Variants in SLC12A3 observed in about 807,000 individuals in gnomAD.
The protein encoded by SLC12A3 is solute carrier family 12 member 3, also known as Na-Cl cotransporter.
In SLC12A3, 104 loss-of-function variants were observed where a neutral mutation model predicts 121.0. That is an observed-to-expected ratio of 0.86 (90% CI 0.73 to 1.01). SLC12A3 has a LOEUF of 1.01. Among genes scored for constraint, SLC12A3 ranks in the 50% least tolerant of loss-of-function variants. The probability of loss-of-function intolerance (pLI) is 0.00; values close to 1 mark genes in which losing one functional copy is unlikely to be tolerated. For missense variants in SLC12A3, 1,328 were observed against 1,356.3 expected (o/e 0.98, Z 0.33); for synonymous variants, 536 against 533.4 (o/e 1.00, Z -0.07).
Position 56,886,387 on chromosome 16 carries a change from G to A in SLC12A3, c.1949G>A (p.Gly650Glu). Residue 650 changes from glycine (G) to glutamate (E), a missense_variant, in exon 16 of 26, where the codon GGG becomes GAG. By Grantham distance (98) the Gly-to-Glu change is moderately conservative (BLOSUM62 -2). Transcript: ENST00000563236. The stretch of plus-strand genomic sequence containing the variant: ...AGCCCCCAGTGCCTGGTGCTCACGG[G>A]GCCCCCCAACTTCCGCCCGGCCCTG... ...NYRPQCLVLTGPPNFRPALVD... is the reference protein window; with the variant it reads ...NYRPQCLVLTEPPNFRPALVD... 6.2e-7 allele frequency: 1 copy of A among 1,613,998 alleles called. No individual in the cohort carries two copies. The highest frequency in any genetic ancestry group is 1.1e-5 in the South Asian group (1 of 91,082).
intron 12 of SLC12A3, 33 bp downstream of exon 12, chr16:56,880,286 C>T: frequency 6.4e-7 from 1 of 1,557,786 alleles, no homozygotes; most frequent in Non-Finnish European, 8.7e-7. Flanking sequence ...AGGGCCTGGC[C>T]TCCTGTTCCC....
chr16:56,883,381 T>C (rs556753233), intron 13 of SLC12A3, among the ~76,000 whole-genome samples: 1 of 150,068 alleles, frequency 6.7e-6, no homozygotes, highest in Admixed American at 6.7e-5. Context: ...CCCGGGTTCA[T>C]GCCATTCTCC....
At chr16:56,907,006 A>G (rs2055616752) in intron 25 of SLC12A3, 1 of 222,092 alleles carries the variant, frequency 4.5e-6, no homozygotes, top group Non-Finnish European at 8.8e-6. Flanking sequence ...TTACAAGAAG[A>G]TTAATAAACT....
rs1246053601 is a variant in SLC12A3 at position 56,879,208 on chromosome 16, G to T, written c.1316G>T (p.Gly439Val). 6.2e-7 allele frequency: 1 copy of T among 1,613,942 alleles called. No individual in the cohort carries two copies. Among genetic ancestry groups the T allele is most frequent in the East Asian group, 2.2e-5 (1 of 44,884 alleles). ...ECTQQHSCHY[G>V]LINYYQTMSM... ...ACCCAGCAGCACAGCTGCCACTACG[G>T]CCTCATCAACTATTACCAGGTACTG... Residue 439 changes from glycine (G) to valine (V), a missense_variant, in exon 10 of 26, where the codon GGC becomes GTC. Transcript: ENST00000563236.
intron 13 of SLC12A3, among the ~76,000 whole-genome samples, chr16:56,883,432 C>T (rs751928017): frequency 6.6e-6 from 1 of 151,840 alleles, no homozygotes; most frequent in Non-Finnish European, 1.5e-5. Flanking sequence ...AGGCGCCCAC[C>T]ACCACGCCCA....
In SLC12A3 at chr16:56,913,443, T is replaced by C; in HGVS notation, c.*38T>C. 2 of 1,610,426 alleles carry C rather than the reference T, an allele frequency of 1.2e-6. No individual in the cohort carries two copies. Among genetic ancestry groups the C allele is most frequent in the South Asian group, 2.2e-5 (2 of 91,030 alleles). ...ACATCCCTGTCCACAGCTCTGAGTGTGTGGGATAAGTTGGAACTTGATTGC... is the reference window on the plus strand; with the variant it reads ...ACATCCCTGTCCACAGCTCTGAGTGCGTGGGATAAGTTGGAACTTGATTGC... On this transcript the variant is annotated 3_prime_UTR_variant, in exon 26 of 26. Transcript: ENST00000563236.
chr16:56,905,190 T>C (rs893245128), intron 25 of SLC12A3, among the ~76,000 whole-genome samples: 1 of 151,670 alleles, frequency 6.6e-6, no homozygotes, highest in Non-Finnish European at 1.5e-5. Flanking sequence ...AAATACAAAA[T>C]TAGCTGGGCG....
At chr16:56,910,429 G>T (rs553019256) in intron 25 of SLC12A3, among the ~76,000 whole-genome samples, 1 of 151,996 alleles carries the variant, frequency 6.6e-6, no homozygotes, top group Non-Finnish European at 1.5e-5. Flanking sequence ...CCCACCTCCC[G>T]GGACTCAAAC....
In SLC12A3 at chr16:56,868,334, A is replaced by T. The variant is rs1410753566; in HGVS notation, c.467A>T (p.Tyr156Phe). The T allele has an allele frequency of 6.2e-7, 1 of 1,613,836 alleles. No individual in the cohort carries two copies. Among genetic ancestry groups the T allele is most frequent in the South Asian group, 1.1e-5 (1 of 90,990 alleles). ...CMLNIWGVIL[Y>F]LRLPWITAQA... The stretch of plus-strand genomic sequence containing the variant: ...CTCAACATTTGGGGCGTGATCCTCT[A>T]CCTGCGGCTGCCCTGGATTACGGCC... Residue 156 changes from tyrosine (Y) to phenylalanine (F), a missense_variant, in exon 3 of 26, where the codon TAC becomes TTC. Coordinates refer to ENST00000563236, the MANE Select transcript of SLC12A3 (RefSeq NM_001126108.2).
At chr16:56,903,796 C>T (rs367918401) in intron 24 of SLC12A3, among the ~76,000 whole-genome samples, 2 of 152,184 alleles carry the variant, frequency 1.3e-5, no homozygotes, top group South Asian at 2.1e-4. Context: ...CTGTCAGCCC[C>T]GAGACCCTGC....
rs1479755626 is a variant in SLC12A3 at position 56,885,300 on chromosome 16, T to C, written c.1861T>C (p.Tyr621His). The change falls in exon 15 of 26, where the codon TAC (tyrosine) becomes CAC (histidine). Residue 621 changes from tyrosine to histidine, a missense_variant. Coordinates refer to ENST00000563236, the MANE Select transcript of SLC12A3 (RefSeq NM_001126108.2). The stretch of plus-strand genomic sequence containing the variant: ...GGGCTCCTCGGTACAGGCTGGCTCC[T>C]ACAACCTGGCCCTCAGCTACTCGGT... ...NWGSSVQAGS[Y>H]NLALSYSVGL... is the part of the protein sequence containing the mutation. 1 of 1,555,370 alleles carries C rather than the reference T, an allele frequency of 6.4e-7. No individual in the cohort carries two copies. The highest frequency in any genetic ancestry group is 2.4e-5 in the East Asian group (1 of 41,342).
intron 2 of SLC12A3, 51 bp from the exon 3 acceptor site, chr16:56,868,246 T>C: frequency 6.4e-7 from 1 of 1,572,526 alleles, no homozygotes; most frequent in Non-Finnish European, 8.7e-7. Context: ...GACTTGTCGT[T>C]TGGCCTTGGG....
chr16:56,906,562 G>A (rs954690009), intron 25 of SLC12A3: 3 of 249,304 alleles, frequency 1.2e-5, no homozygotes, highest in African/African-American at 2.3e-5. Context: ...ATCCAAACTA[G>A]GAAGGTCGTG....
chr16:56,877,304 G>T (rs2055176090), intron 8 of SLC12A3, among the ~76,000 whole-genome samples: 1 of 151,984 alleles, frequency 6.6e-6, no homozygotes, highest in African/African-American at 2.4e-5. Context: ...GCTAAGGCAG[G>T]AGAATTGCTT....
chr16:56,872,577 G>A (rs35516802), intron 7 of SLC12A3, 79 bp from the exon 8 acceptor site: 4 of 1,606,366 alleles, frequency 2.5e-6, no homozygotes, highest in Non-Finnish European at 3.4e-6. Context: ...CATGGTCAGG[G>A]GCTGCCTGCC....
chr16:56,875,481 C>T (rs957106078), intron 8 of SLC12A3, among the ~76,000 whole-genome samples: 1 of 152,092 alleles, frequency 6.6e-6, no homozygotes, highest in African/African-American at 2.4e-5. Context: ...CAGAGAGGTT[C>T]GGGGGCCTGC....
chr16:56,906,727 G>C, intron 25 of SLC12A3: 1 of 628,360 alleles, frequency 1.6e-6, no homozygotes, highest in South Asian at 2.0e-5. Context: ...ACTAATTTTG[G>C]TGGTGGCAAG....
chr16:56,879,904 G>A (rs2055215341), intron 11 of SLC12A3, among the ~76,000 whole-genome samples: 2 of 152,128 alleles, frequency 1.3e-5, no homozygotes, highest in African/African-American at 4.8e-5. Flanking sequence ...CACCATTCAA[G>A]CTCTACCCGA....
Position 56,894,514 on chromosome 16 carries a change from G to A in SLC12A3, c.2522-17G>A. The A allele has an allele frequency of 6.3e-7, 1 of 1,584,510 alleles. No homozygotes were observed. The highest frequency in any genetic ancestry group is 8.7e-7 in the Non-Finnish European group (1 of 1,155,084). On this transcript the variant is annotated splice_polypyrimidine_tract_variant and intron_variant, in intron 21 of 25. Coordinates refer to ENST00000563236, the MANE Select transcript of SLC12A3 (RefSeq NM_001126108.2). ...GAGTGTATTCTTGTCATGACTCACG[G>A]GGACTCTCCTTGCCAGGCCTCACCC...
Sources: gnomAD v4.1 joint callset for allele counts (sites outside exome capture counted in the v4.1 genomes callset) on GRCh38, gnomAD v4.1.1 for gene constraint, MANE v1.5 for transcripts, NCBI Gene and HGNC (gene_info 2026-07-23, HGNC 2026-07-21) for gene names.